CAMK1D: variants seen among roughly 807,000 people sequenced by gnomAD.
The protein encoded by CAMK1D is calcium/calmodulin dependent protein kinase ID, also known as calcium/calmodulin-dependent protein kinase type 1D.
In CAMK1D, 9 loss-of-function variants were observed where a neutral mutation model predicts 47.7. That is an observed-to-expected ratio of 0.19 (90% CI 0.11 to 0.33). The LOEUF (loss-of-function observed/expected upper bound fraction) is 0.33, where lower values mean the gene tolerates loss of function less well. Ranked by LOEUF, CAMK1D falls within the 10% of genes least tolerant of loss-of-function variation. The probability of loss-of-function intolerance (pLI) is 1.00; values close to 1 mark genes in which losing one functional copy is unlikely to be tolerated. For missense variants in CAMK1D, 291 were observed against 488.7 expected, an observed-to-expected ratio of 0.60 and a Z score of 3.81; for synonymous variants, 184 against 184.9, an observed-to-expected ratio of 0.99 and a Z score of 0.04.
At chr10:12,604,319 G>A (rs1838388833) in intron 2 of CAMK1D, among the ~76,000 whole-genome samples, 1 of 152,190 alleles carries the variant, frequency 6.6e-6, no homozygotes, top group Non-Finnish European at 1.5e-5. Flanking sequence ...TCCAAGGATG[G>A]TGGAAGTTGG....
intron 2 of CAMK1D, among the ~76,000 whole-genome samples, chr10:12,618,884 TTC>T (rs1291952183): frequency 6.6e-6 from 1 of 152,236 alleles, no homozygotes; most frequent in Non-Finnish European, 1.5e-5. Context: ...ATATTATTAA[TTC>T]TGTTTTACTG....
chr10:12,408,318 C>T (rs1839523459), intron 1 of CAMK1D, among the ~76,000 whole-genome samples: 1 of 151,918 alleles, frequency 6.6e-6, no homozygotes, highest in South Asian at 2.1e-4. Flanking sequence ...CCCGCTACCT[C>T]GCCCGGCTAA....
chr10:12,791,539 C>G (rs1327456067), intron 6 of CAMK1D, among the ~76,000 whole-genome samples: 2 of 152,140 alleles, frequency 1.3e-5, no homozygotes, highest in African/African-American at 4.8e-5. Flanking sequence ...ATGAACTTGA[C>G]TCTTCTGGGG....
chr10:12,728,854 G>A (rs147297192), intron 3 of CAMK1D, among the ~76,000 whole-genome samples: 96 of 152,316 alleles, frequency 6.3e-4, no homozygotes, highest in Admixed American at 1.4e-3. Context: ...TGCCTCTGCC[G>A]TTGCTCCCTC....
At chr10:12,416,378 G>A (rs1363622270) in intron 1 of CAMK1D, among the ~76,000 whole-genome samples, 1 of 152,210 alleles carries the variant, frequency 6.6e-6, no homozygotes, top group South Asian at 2.1e-4. Flanking sequence ...GTCGGTGTAT[G>A]TAAAACTTTG....
intron 1 of CAMK1D, among the ~76,000 whole-genome samples, chr10:12,373,545 T>C (rs1838069481): frequency 6.6e-6 from 1 of 151,562 alleles, no homozygotes; most frequent in Admixed American, 6.6e-5. Flanking sequence ...GGCAGGAGAA[T>C]CGCTTGAACC....
intron 2 of CAMK1D, among the ~76,000 whole-genome samples, chr10:12,641,610 T>G (rs1215460748): frequency 6.9e-6 from 1 of 143,902 alleles, no homozygotes; most frequent in Non-Finnish European, 1.5e-5. Flanking sequence ...CAGAGTGAGA[T>G]CCCCATCTCA....
At chr10:12,355,829 C>T (rs1837495522) in intron 1 of CAMK1D, among the ~76,000 whole-genome samples, 1 of 152,170 alleles carries the variant, frequency 6.6e-6, no homozygotes, top group Non-Finnish European at 1.5e-5. Context: ...ACGAGAATGC[C>T]TGCTCTCCTG....
chr10:12,409,368 G>A (rs1357111023), intron 1 of CAMK1D, among the ~76,000 whole-genome samples: 1 of 152,166 alleles, frequency 6.6e-6, no homozygotes, highest in African/African-American at 2.4e-5. Context: ...TTGTGATAAC[G>A]GCTGTGATAG....
rs548470897 is a variant in CAMK1D at position 12,670,196 on chromosome 10, G to C, written c.299+3386G>C. 1.3e-3 allele frequency among the ~76,000 whole-genome samples: 178 copies of C among 140,066 alleles called. No homozygotes were observed. In the South Asian group the frequency reaches 0.024, roughly 19 times the overall value. The allele number at this position is 140,066 out of a possible 152,430, so 91.9% of individuals were successfully genotyped here. ...TTGCTCTACATTCTTGCTAGCCCTT[G>C]AGATTTTCACTTTTAGCCATTCTAA... On this transcript the variant is annotated intron_variant, in intron 3 of 10. Coordinates refer to ENST00000619168, the MANE Select transcript of CAMK1D (RefSeq NM_153498.4).
At chr10:12,806,849 T>A (rs1361576970) in intron 6 of CAMK1D, among the ~76,000 whole-genome samples, 3 of 152,204 alleles carry the variant, frequency 2.0e-5, no homozygotes, top group Non-Finnish European at 4.4e-5. Context: ...TCCACATACA[T>A]ACATGCTTCA....
chr10:12,418,801 A>G (rs996769823), intron 1 of CAMK1D, among the ~76,000 whole-genome samples: 5 of 152,280 alleles, frequency 3.3e-5, no homozygotes, highest in South Asian at 2.1e-4. Context: ...AAAGGTTCCA[A>G]TTGCTGGGTG....
intron 1 of CAMK1D, among the ~76,000 whole-genome samples, chr10:12,487,080 G>A (rs550218559): frequency 1.3e-5 from 2 of 152,292 alleles, no homozygotes; most frequent in East Asian, 3.9e-4. Flanking sequence ...GTAAACTCAT[G>A]TCATGGGGGT....
At chr10:12,393,101 T>A (rs1032663467) in intron 1 of CAMK1D, among the ~76,000 whole-genome samples, 1 of 151,698 alleles carries the variant, frequency 6.6e-6, no homozygotes, top group Admixed American at 6.6e-5. Flanking sequence ...GTGCAATCTC[T>A]GCTCACTCCA....
At chr10:12,566,980 T>TTCA (rs889485805) in intron 2 of CAMK1D, among the ~76,000 whole-genome samples, 1 of 152,216 alleles carries the variant, frequency 6.6e-6, no homozygotes, top group Non-Finnish European at 1.5e-5. Flanking sequence ...TGCTCTGCTG[T>TTCA]TCACTAGAAC....
intron 6 of CAMK1D, among the ~76,000 whole-genome samples, chr10:12,802,254 C>G (rs534942715): frequency 6.6e-6 from 1 of 152,202 alleles, no homozygotes; most frequent in South Asian, 2.1e-4. Context: ...GCCAGCCTCA[C>G]AGAGCCCTGC....
At chr10:12,415,832 G>A (rs901403191) in intron 1 of CAMK1D, 1 of 149,938 alleles carries the variant, frequency 6.7e-6, no homozygotes, top group Non-Finnish European at 1.5e-5. Flanking sequence ...CTGAGACAAG[G>A]TCTCGCTCTG....
chr10:12,424,043 G>A (rs1351102575), intron 1 of CAMK1D, among the ~76,000 whole-genome samples: 4 of 152,062 alleles, frequency 2.6e-5, no homozygotes, highest in African/African-American at 9.7e-5. Context: ...ACGCCGTGCG[G>A]CCTGTTCGTC....
chr10:12,506,324 G>C (rs2132153055), intron 1 of CAMK1D, among the ~76,000 whole-genome samples: 1 of 152,246 alleles, frequency 6.6e-6, no homozygotes, highest in East Asian at 1.9e-4. Flanking sequence ...GGAGGCTGAG[G>C]CTGGAGAATT....
Sources: gnomAD v4.1 joint callset for allele counts (sites outside exome capture counted in the v4.1 genomes callset) on GRCh38, gnomAD v4.1.1 for gene constraint, MANE v1.5 for transcripts, NCBI Gene and HGNC (gene_info 2026-07-23, HGNC 2026-07-21) for gene names.